RPGRIP1L: variants seen among roughly 807,000 people sequenced by gnomAD.
RPGRIP1L encodes the protein protein fantom.
Under a neutral mutation model 160.4 loss-of-function variants are expected in RPGRIP1L, and 131 were observed. The observed-to-expected ratio is 0.82, with a 90% CI of 0.71 to 0.94. RPGRIP1L has a LOEUF of 0.94. RPGRIP1L is among the 40% of genes least tolerant of loss of function. The pLI, the probability that RPGRIP1L is intolerant of heterozygous loss-of-function variation, is 0.00. For missense variants in RPGRIP1L, 1,522 were observed against 1,535.8 expected, an observed-to-expected ratio of 0.99 and a Z score of 0.15; for synonymous variants, 510 against 515.8, an observed-to-expected ratio of 0.99 and a Z score of 0.15.
At chr16:53,669,785 T>C (rs181891601) in intron 9 of RPGRIP1L, among the ~76,000 whole-genome samples, 1 of 152,266 alleles carries the variant, frequency 6.6e-6, no homozygotes, top group East Asian at 1.9e-4. Flanking sequence ...GTTCTGTTAT[T>C]CCATGAATGT....
At chr16:53,667,732 G>C (rs1018340075) in intron 9 of RPGRIP1L, among the ~76,000 whole-genome samples, 1 of 152,086 alleles carries the variant, frequency 6.6e-6, no homozygotes, top group Non-Finnish European at 1.5e-5. Flanking sequence ...AATTAGGCAG[G>C]TGTGGTGACA....
rs951961084 is a variant in RPGRIP1L at position 53,598,357 on chromosome 16, A to G, written c.*3719T>C. 5.3e-5 allele frequency: 8 copies of G among 152,172 alleles called. No individual in the cohort carries two copies. The highest frequency in any genetic ancestry group is 1.3e-4 in the Admixed American group (2 of 15,266). The allele number at this position is 152,172 out of a possible 1,614,324, so 9.4% of individuals were successfully genotyped here. A position where few individuals can be genotyped will look rare whatever the true frequency, so the allele number is the denominator to read the frequency against. Reference sequence around the variant, plus strand: ...CCAGATTGCACTTCCAAAAGCCTGAAGGAAAAACATAGCTTGATATATTAG... The same window carrying G: ...CCAGATTGCACTTCCAAAAGCCTGAGGGAAAAACATAGCTTGATATATTAG... On this transcript the variant is annotated 3_prime_UTR_variant, in exon 27 of 27. Coordinates refer to ENST00000647211, the MANE Select transcript of RPGRIP1L (RefSeq NM_015272.5).
rs989489575 is a variant in RPGRIP1L at position 53,605,599 on chromosome 16, C to T, written c.3717G>A (p.Val1239=). 5.6e-6 allele frequency: 9 copies of T among 1,613,912 alleles called. No individual in the cohort carries two copies. In the Admixed American group the frequency reaches 1.2e-4, roughly 21 times the overall value. ...GCTCGTCCTCTGGAGGGTCACTGAC[C>T]ACGGTGAAGCGAAGGCTGGTAAGGC... ...EMPNRSLRFT[V]VSDPPEDEQD... is the part of the protein sequence containing the mutation. The change falls in exon 26 of 27, where the codon GTG becomes GTA. Residue 1239 remains valine (V), a synonymous_variant. Transcript: ENST00000647211.
Position 53,622,272 on chromosome 16 carries a change from G to T in RPGRIP1L, c.3379C>A (p.Pro1127Thr). ...CCATCTACTTGGGAGGCTGAGGCAG[G>T]AAAATCGCTGGAACCCGGGAGGCGG... ...NFRLPGSSDF[P>T]ASASQVDGIT... Residue 1127 changes from proline to threonine, a missense_variant, in exon 23 of 27, where the codon CCT becomes ACT. Pro to Thr is a conservative substitution (Grantham distance 38). Transcript: ENST00000647211. 1.5e-6 allele frequency: 1 copy of T among 659,770 alleles called. No individual in the cohort carries two copies. The highest frequency in any genetic ancestry group is 1.6e-5 in the South Asian group (1 of 61,976). 40.9% of individuals were successfully genotyped at this position (659,770 alleles called of 1,614,324 possible).
chr16:53,665,816 A>T (rs906457248), intron 9 of RPGRIP1L, among the ~76,000 whole-genome samples: 49 of 152,196 alleles, frequency 3.2e-4, no homozygotes, highest in African/African-American at 1.2e-3. Flanking sequence ...ACGCTGACCT[A>T]AATACTGGTA....
At chr16:53,606,473 C>T (rs11864811) in intron 25 of RPGRIP1L, among the ~76,000 whole-genome samples, 18,579 of 152,144 alleles carry the variant, frequency 0.12, 2,364 homozygotes, top group African/African-American at 0.32. Flanking sequence ...GAAATCATGC[C>T]TTGAAAAACA....
intron 17 of RPGRIP1L, among the ~76,000 whole-genome samples, chr16:53,643,781 G>A (rs190446961): frequency 7.4e-4 from 113 of 152,184 alleles, no homozygotes; most frequent in African/African-American, 2.7e-3. Flanking sequence ...AGGAAATGAC[G>A]TTACAATATA....
intron 23 of RPGRIP1L, among the ~76,000 whole-genome samples, chr16:53,619,650 T>C (rs1284684401): frequency 1.3e-5 from 2 of 152,236 alleles, no homozygotes; most frequent in Non-Finnish European, 2.9e-5. Context: ...TTGAACACTT[T>C]ATAGGTATTA....
In RPGRIP1L at chr16:53,602,089, T is replaced by C; in HGVS notation, c.3935A>G (p.Asp1312Gly). 1.2e-6 allele frequency: 2 copies of C among 1,608,316 alleles called. No homozygotes were observed. The highest frequency in any genetic ancestry group is 1.7e-6 in the Non-Finnish European group (2 of 1,174,960). The change falls in exon 27 of 27, where the codon GAC becomes GGC. Residue 1312 changes from aspartate to glycine, a missense_variant. By Grantham distance (94) the Asp-to-Gly change is moderately conservative. Transcript: ENST00000647211. ...LQSVYKQYRDDLEA is the reference protein window; with the variant it reads ...LQSVYKQYRDGLEA ...GAGCATTTGCTTTCAAGCCTCCAAGTCATCTCTGTATTGCTTGTAGACAGA... is the reference window on the plus strand; with the variant it reads ...GAGCATTTGCTTTCAAGCCTCCAAGCCATCTCTGTATTGCTTGTAGACAGA...
At chr16:53,610,828 T>A in intron 25 of RPGRIP1L, 139 bp downstream of exon 25, 1 of 718,898 alleles carries the variant, frequency 1.4e-6, no homozygotes, top group South Asian at 1.5e-5. Context: ...AGAGATCCCG[T>A]ACTCATTCGA....
At chr16:53,605,679 C>T in intron 25 of RPGRIP1L, 65 bp from the exon 26 acceptor site, 2 of 1,544,220 alleles carry the variant, frequency 1.3e-6, no homozygotes, top group Non-Finnish European at 1.8e-6. Context: ...AGACAAAACT[C>T]CCAAATGGGG....
intron 22 of RPGRIP1L, among the ~76,000 whole-genome samples, chr16:53,625,777 C>T (rs1965108832): frequency 6.6e-6 from 1 of 152,122 alleles, no homozygotes; most frequent in Non-Finnish European, 1.5e-5. Flanking sequence ...ACATAGGAGA[C>T]TCCATTTTGT....
intron 4 of RPGRIP1L, among the ~76,000 whole-genome samples, chr16:53,688,569 A>C (rs2151328530): frequency 6.6e-6 from 1 of 152,162 alleles, no homozygotes; most frequent in South Asian, 2.1e-4. Flanking sequence ...AGACAGTCCC[A>C]TTGTTTAAAA....
At chr16:53,637,660 T>A (rs1312855152) in intron 21 of RPGRIP1L, 35 bp downstream of exon 21, 1 of 1,583,126 alleles carries the variant, frequency 6.3e-7, no homozygotes, top group South Asian at 1.1e-5. Flanking sequence ...AGCACAGGGT[T>A]AACTAAACAA....
chr16:53,646,800 A>C (rs982586282), intron 16 of RPGRIP1L, among the ~76,000 whole-genome samples: 2 of 152,152 alleles, frequency 1.3e-5, no homozygotes, highest in Non-Finnish European at 1.5e-5. Context: ...ATCTGGATTG[A>C]GCATCTGGGA....
intron 4 of RPGRIP1L, 29 bp from the exon 5 acceptor site, chr16:53,687,994 C>A (rs74393433): frequency 7.7e-7 from 1 of 1,296,432 alleles, no homozygotes; most frequent in South Asian, 1.2e-5. Flanking sequence ...AATATGATTA[C>A]AGAATTGAAG....
Position 53,652,613 on chromosome 16 carries a change from T to G in RPGRIP1L, c.2074A>C (p.Thr692Pro), listed in dbSNP as rs1271979588. 6.2e-7 allele frequency: 1 copy of G among 1,614,116 alleles called. No homozygotes were observed. Among genetic ancestry groups the G allele is most frequent in the African/African-American group, 1.3e-5 (1 of 75,048 alleles). Reference protein sequence around the residue: ...VHQAYSTEYETIAACQLKFHE... With the variant: ...VHQAYSTEYEPIAACQLKFHE... ...AATTTTAATTGACATGCTGCAATTG[T>G]TTCATATTCTGTGCTATAAGCCTGG... Residue 692 changes from threonine (T) to proline (P), a missense_variant, in exon 15 of 27, where the codon ACA (threonine) becomes CCA (proline). Physicochemically the swap from Thr to Pro is conservative, Grantham distance 38. Transcript: ENST00000647211.
intron 6 of RPGRIP1L, 118 bp downstream of exon 6, chr16:53,686,315 T>C (rs1970008752): frequency 2.7e-6 from 3 of 1,109,480 alleles, no homozygotes; most frequent in South Asian, 1.4e-5. Flanking sequence ...ATATGAAGAA[T>C]GTTAAGTAAA....
chr16:53,646,127 C>A (rs1966530355), intron 16 of RPGRIP1L, 124 bp from the exon 17 acceptor site: 2 of 843,214 alleles, frequency 2.4e-6, no homozygotes, highest in Non-Finnish European at 3.8e-6. Flanking sequence ...TTCATAATTT[C>A]TCAGTAAAAT....
Sources: allele counts gnomAD v4.1 joint callset (sites outside exome capture counted in the v4.1 genomes callset), GRCh38; gene constraint gnomAD v4.1.1; transcripts MANE v1.5; gene names NCBI Gene and HGNC (gene_info 2026-07-23, HGNC 2026-07-21).